MAGI1: variants seen among roughly 807,000 people sequenced by gnomAD.
MAGI1 encodes the protein membrane associated guanylate kinase, WW and PDZ domain containing 1.
Under a neutral mutation model 139.9 loss-of-function variants are expected in MAGI1, and 58 were observed. That is an observed-to-expected ratio of 0.41 (90% confidence interval 0.34 to 0.52). MAGI1 has a LOEUF of 0.52. MAGI1 is among the 20% of genes least tolerant of loss of function. The probability of loss-of-function intolerance (pLI) is 0.12; values close to 1 mark genes in which losing one functional copy is unlikely to be tolerated. For synonymous variants in MAGI1, 812 were observed against 737.9 expected (o/e 1.10, Z -1.63); for missense variants, 1,874 against 1,901.6 (o/e 0.99, Z 0.27).
chr3:65,646,795 C>T (rs536473091), intron 1 of MAGI1, among the ~76,000 whole-genome samples: 1 of 152,076 alleles, frequency 6.6e-6, no homozygotes, highest in Non-Finnish European at 1.5e-5. Flanking sequence ...TAAAACAAAA[C>T]TCATGGATCA....
At chr3:65,986,787 T>C (rs941829854) in intron 1 of MAGI1, among the ~76,000 whole-genome samples, 4 of 152,220 alleles carry the variant, frequency 2.6e-5, no homozygotes, top group Admixed American at 2.6e-4. Flanking sequence ...AAGCTGTTTC[T>C]GGACTGGTAC....
chr3:65,449,047 T>C lies in MAGI1; in HGVS notation c.1043-990A>G, dbSNP rs150301699. Among the ~76,000 whole-genome samples the C allele has an allele frequency of 3.8e-3, 547 of 145,000 alleles. 3 individuals are homozygous for C. The highest frequency in any genetic ancestry group is 0.013 in the African/African-American group (527 of 39,170). ...TACTAAATATTTCTTGATGAATGAA[T>C]GAATGAACCAATCAATCAATGATTG... is the stretch of plus-strand genomic sequence containing the variant. On this transcript the variant is annotated intron_variant, in intron 6 of 22. Coordinates refer to ENST00000402939, the MANE Select transcript of MAGI1 (RefSeq NM_001033057.2).
chr3:65,608,216 C>T (rs560658563), intron 2 of MAGI1, among the ~76,000 whole-genome samples: 3 of 152,158 alleles, frequency 2.0e-5, no homozygotes, highest in African/African-American at 4.8e-5. Context: ...GTGAGACAGG[C>T]GGATCACCTG....
At chr3:65,993,463 T>C (rs1221199885) in intron 1 of MAGI1, among the ~76,000 whole-genome samples, 2 of 152,088 alleles carry the variant, frequency 1.3e-5, no homozygotes, top group Non-Finnish European at 2.9e-5. Flanking sequence ...CAAGAATAAC[T>C]CACAGAGAAA....
chr3:65,695,597 T>C (rs764050289), intron 1 of MAGI1, among the ~76,000 whole-genome samples: 1 of 152,212 alleles, frequency 6.6e-6, no homozygotes, highest in Non-Finnish European at 1.5e-5. Context: ...CATCCATTTA[T>C]AGACTTGCTT....
intron 2 of MAGI1, among the ~76,000 whole-genome samples, chr3:65,543,467 C>T (rs2079345112): frequency 6.6e-6 from 1 of 152,134 alleles, no homozygotes; most frequent in South Asian, 2.1e-4. Context: ...TTTATTGCAG[C>T]ACTATTCACA....
chr3:65,803,230 G>A lies in MAGI1; in HGVS notation c.314-181142C>T, dbSNP rs113823008. ...TTAAAAATAGTATTAGGAATCCTGC[G>A]ATATTATAACAGCAGGTGACAATTT... is the stretch of plus-strand genomic sequence containing the variant. On this transcript the variant is annotated intron_variant, in intron 1 of 22. Transcript: ENST00000402939. Among the ~76,000 whole-genome samples, 525 of 152,070 alleles carry A rather than the reference G, an allele frequency of 3.5e-3. 1 individual carries two copies. The highest frequency in any genetic ancestry group is 0.014 in the Middle Eastern group (4 of 294).
At chr3:65,624,013 A>G (rs2083828523) in intron 1 of MAGI1, among the ~76,000 whole-genome samples, 1 of 152,216 alleles carries the variant, frequency 6.6e-6, no homozygotes, top group Admixed American at 6.5e-5. Flanking sequence ...ACTATTAAGC[A>G]TATAAAAAGA....
chr3:65,599,028 C>T (rs1559707213), intron 2 of MAGI1, among the ~76,000 whole-genome samples: 1 of 152,176 alleles, frequency 6.6e-6, no homozygotes, highest in Non-Finnish European at 1.5e-5. Context: ...CCAGGTGCTA[C>T]AGAGTCACGT....
At chr3:65,675,229 C>A (rs1559776289) in intron 1 of MAGI1, among the ~76,000 whole-genome samples, 1 of 152,110 alleles carries the variant, frequency 6.6e-6, no homozygotes, top group Non-Finnish European at 1.5e-5. Flanking sequence ...GGATGAAAAG[C>A]TCCATATGTT....
intron 5 of MAGI1, among the ~76,000 whole-genome samples, chr3:65,465,350 T>C (rs1157483858): frequency 2.6e-5 from 4 of 151,594 alleles, no homozygotes; most frequent in Non-Finnish European, 5.9e-5. Flanking sequence ...TTTTTTTTTT[T>C]AGAATTTTGG....
chr3:65,540,245 TA>T (rs1340626071), intron 2 of MAGI1, among the ~76,000 whole-genome samples: 3 of 152,208 alleles, frequency 2.0e-5, no homozygotes, highest in Admixed American at 2.0e-4. Flanking sequence ...TCTCAGTTTA[TA>T]CATGCCTTCC....
intron 2 of MAGI1, among the ~76,000 whole-genome samples, chr3:65,531,643 C>T (rs1464306779): frequency 1.3e-5 from 2 of 152,114 alleles, no homozygotes; most frequent in African/African-American, 2.4e-5. Flanking sequence ...TCAGATGAAG[C>T]ACTTAGGGCA....
intron 1 of MAGI1, among the ~76,000 whole-genome samples, chr3:65,711,425 C>G (rs1274188658): frequency 1.3e-5 from 2 of 152,040 alleles, no homozygotes. Flanking sequence ...ACAGATAATT[C>G]AAAACTCCAA....
At chr3:65,415,100 G>T (rs1559535327) in intron 12 of MAGI1, among the ~76,000 whole-genome samples, 1 of 150,742 alleles carries the variant, frequency 6.6e-6, no homozygotes, top group African/African-American at 2.4e-5. Context: ...TTCACTTCAT[G>T]AAAAACCTAC....
chr3:65,415,637 A>G (rs1946156681), intron 12 of MAGI1, among the ~76,000 whole-genome samples: 2 of 152,242 alleles, frequency 1.3e-5, no homozygotes, highest in Admixed American at 6.5e-5. Context: ...TTCAATCCAT[A>G]TTCAACAAAA....
At chr3:65,910,778 T>C (rs1208296955) in intron 1 of MAGI1, among the ~76,000 whole-genome samples, 2 of 151,536 alleles carry the variant, frequency 1.3e-5, no homozygotes, top group Admixed American at 6.6e-5. Context: ...CCTGACCTAG[T>C]AGTTAAATCT....
Position 65,849,001 on chromosome 3 carries a change from C to CTTT in MAGI1, c.313+188992_313+188994dup, listed in dbSNP as rs558270441. 5.5e-4 allele frequency among the ~76,000 whole-genome samples: 22 copies of CTTT among 39,648 alleles called. 6 individuals carry two copies. The highest frequency in any genetic ancestry group is 4.5e-3 in the East Asian group (4 of 886). The allele number at this position is 39,648 out of a possible 152,430, so 26.0% of individuals were successfully genotyped here. ...GCAGCTCAAGACTATTCAGAGCATT[C>CTTT]TTTTTTTTTTTTTTTTTTTTTTTTT... On this transcript the variant is annotated intron_variant, in intron 1 of 22. Transcript: ENST00000402939.
chr3:65,788,965 G>A (rs996722178), intron 1 of MAGI1, among the ~76,000 whole-genome samples: 1 of 152,062 alleles, frequency 6.6e-6, no homozygotes, highest in Non-Finnish European at 1.5e-5. Flanking sequence ...ATCCGTTGCG[G>A]CCAGGAGTTC....
Sources: gnomAD v4.1 joint callset for allele counts (sites outside exome capture counted in the v4.1 genomes callset) on GRCh38, gnomAD v4.1.1 for gene constraint, MANE v1.5 for transcripts, NCBI Gene and HGNC (gene_info 2026-07-23, HGNC 2026-07-21) for gene names.